The following PMS1 variants were observed in gnomAD, a reference collection of about 807,000 sequenced individuals.
PMS1 encodes the protein PMS1 protein homolog 1.
In PMS1, 79 loss-of-function variants were observed where a neutral mutation model predicts 93.1. The observed-to-expected ratio is 0.85, with a 90% CI of 0.71 to 1.02. The LOEUF (loss-of-function observed/expected upper bound fraction) is 1.02. Ranked by LOEUF, PMS1 falls within the 50% of genes least tolerant of loss-of-function variation. PMS1 has a pLI of 0.00. For synonymous variants in PMS1, 335 were observed against 363.4 expected (o/e 0.92, Z 0.89); for missense variants, 1,064 against 1,085.3 (o/e 0.98, Z 0.28).
At chr2:189,789,301 G>T (rs1049124692) in intron 1 of PMS1, among the ~76,000 whole-genome samples, 6 of 152,122 alleles carry the variant, frequency 3.9e-5, no homozygotes, top group Non-Finnish European at 5.9e-5. Flanking sequence ...TACAGATGAT[G>T]AATTGATTTA....
At chr2:189,864,683 AAAAAATATATATATATATATATATATAT>A (rs2056447838) in intron 10 of PMS1, among the ~76,000 whole-genome samples, 1 of 38,608 alleles carries the variant, frequency 2.6e-5, no homozygotes, top group African/African-American at 1.3e-4. Context: ...AAAAAAAAAA[AAAAAATATATATATATATATATATATAT>A]ATATATATAT....
At chr2:189,814,133 C>T (rs2106312970) in intron 4 of PMS1, among the ~76,000 whole-genome samples, 1 of 152,218 alleles carries the variant, frequency 6.6e-6, no homozygotes, top group Non-Finnish European at 1.5e-5. Flanking sequence ...GACCTTTTTA[C>T]TTTCCTAAGC....
rs1057048375 is a variant in PMS1, at chr2:189,868,039, A to G, written c.2473+110A>G. The G allele has an allele frequency of 2.9e-5, 27 of 925,810 alleles. No homozygotes were observed. In the Admixed American group the frequency reaches 3.6e-4, roughly 12 times the overall value. The allele number at this position is 925,810 out of a possible 1,614,324, so 57.3% of individuals were successfully genotyped here. A position where few individuals can be genotyped will look rare whatever the true frequency, so the allele number is the denominator to read the frequency against. ...TATGGTGGTATATTTTTGTCTCACT[A>G]TAAGTACAGTGTCAGCTATGTTAAA... On this transcript the variant is annotated intron_variant, in intron 11 of 12. Transcript: ENST00000441310.
At chr2:189,861,747 CAA>C (rs60765447) in intron 9 of PMS1, among the ~76,000 whole-genome samples, 40 of 115,014 alleles carry the variant, frequency 3.5e-4, no homozygotes, top group African/African-American at 4.2e-4. Context: ...GACTCTGTCT[CAA>C]AAAAAAAAAA....
intron 6 of PMS1, among the ~76,000 whole-genome samples, chr2:189,851,756 C>A (rs948247683): frequency 3.9e-5 from 6 of 152,134 alleles, no homozygotes; most frequent in African/African-American, 1.4e-4. Context: ...AATAACACAT[C>A]TAGTTCTAGT....
chr2:189,821,401 G>A (rs1341484213), intron 5 of PMS1, among the ~76,000 whole-genome samples: 1 of 151,262 alleles, frequency 6.6e-6, no homozygotes, highest in Non-Finnish European at 1.5e-5. Flanking sequence ...AGGTTGCCGT[G>A]AGCCGAGATT....
intron 5 of PMS1, among the ~76,000 whole-genome samples, chr2:189,828,929 C>G (rs1288755633): frequency 6.7e-6 from 1 of 149,598 alleles, no homozygotes; most frequent in Non-Finnish European, 1.5e-5. Flanking sequence ...ATCCTTAGAT[C>G]TTTACATCTG....
intron 12 of PMS1, among the ~76,000 whole-genome samples, chr2:189,873,996 A>G (rs554789167): frequency 3.3e-5 from 5 of 152,228 alleles, no homozygotes; most frequent in Non-Finnish European, 7.3e-5. Context: ...GAGGTATTAT[A>G]GATTGGCCAG....
intron 9 of PMS1, among the ~76,000 whole-genome samples, chr2:189,859,864 G>T (rs5743156): frequency 6.6e-6 from 1 of 151,302 alleles, no homozygotes; most frequent in African/African-American, 2.4e-5. Context: ...TTTCTGTTTT[G>T]TGATTATTGT....
At chr2:189,876,104 C>T (rs183164015) in intron 12 of PMS1, among the ~76,000 whole-genome samples, 15 of 151,366 alleles carry the variant, frequency 9.9e-5, no homozygotes, top group East Asian at 5.8e-4. Context: ...AATATTTTTA[C>T]GTAAACTTTA....
Position 189,867,916 on chromosome 2 carries a change from A to G in PMS1, c.2460A>G (p.Ile820Met), listed in dbSNP as rs756353601. 3.7e-6 allele frequency: 6 copies of G among 1,610,340 alleles called. No homozygotes were observed. The highest frequency in any genetic ancestry group is 5.1e-6 in the Non-Finnish European group (6 of 1,176,572). Residue 820 changes from isoleucine to methionine, a missense_variant, in exon 11 of 13, where the codon ATA (isoleucine) becomes ATG (methionine). Ile to Met is a conservative substitution (Grantham distance 10, BLOSUM62 1). Transcript: ENST00000441310. Reference protein sequence around the residue: ...DPRLTANGFKIKLIPGVSITE... With the variant: ...DPRLTANGFKMKLIPGVSITE... Reference sequence around the variant, plus strand: ...GTCTTACAGCGAATGGTTTCAAGATAAAATTGATACCAGGTATGATAGTGT... The same window carrying G: ...GTCTTACAGCGAATGGTTTCAAGATGAAATTGATACCAGGTATGATAGTGT...
At chr2:189,846,481 T>G (rs563002295) in intron 6 of PMS1, among the ~76,000 whole-genome samples, 18 of 147,700 alleles carry the variant, frequency 1.2e-4, no homozygotes, top group Admixed American at 6.1e-4. Context: ...GCCACTGCAC[T>G]CCAGCCTGGG....
At chr2:189,795,640 C>T in intron 2 of PMS1, 129 bp from the exon 3 acceptor site, 1 of 763,820 alleles carries the variant, frequency 1.3e-6, no homozygotes, top group Non-Finnish European at 2.2e-6. Context: ...AATTTAAACT[C>T]TTATATCCAT....
intron 5 of PMS1, among the ~76,000 whole-genome samples, chr2:189,828,280 A>G (rs2052624588): frequency 6.6e-6 from 1 of 152,172 alleles, no homozygotes; most frequent in South Asian, 2.1e-4. Flanking sequence ...AGCAAATAAC[A>G]GTGTATTGTG....
chr2:189,818,329 T>C, intron 5 of PMS1, 149 bp downstream of exon 5: 1 of 608,922 alleles, frequency 1.6e-6, no homozygotes, highest in Non-Finnish European at 2.9e-6. Flanking sequence ...CATGTGATGT[T>C]ATTAGGGCAT....
At chr2:189,864,675 AAAAAAAAAAAAAATATATATATATAT>A (rs1575352082) in intron 10 of PMS1, among the ~76,000 whole-genome samples, 1 of 44,762 alleles carries the variant, frequency 2.2e-5, no homozygotes, top group East Asian at 5.3e-4. Context: ...AAAAAAAAAA[AAAAAAAAAAAAAATATATATATATAT>A]ATATATATAT....
intron 4 of PMS1, among the ~76,000 whole-genome samples, chr2:189,816,648 A>G (rs938018088): frequency 6.6e-6 from 1 of 152,140 alleles, no homozygotes; most frequent in Admixed American, 6.5e-5. Context: ...TGGAACTTTA[A>G]AACTACCAGT....
chr2:189,848,627 GT>G (rs1313843285), intron 6 of PMS1, among the ~76,000 whole-genome samples: 1 of 151,166 alleles, frequency 6.6e-6, no homozygotes, highest in African/African-American at 2.4e-5. Flanking sequence ...CCTCTATGTG[GT>G]TTTTTTTTCA....
chr2:189,818,088 A>C lies in PMS1; in HGVS notation c.490A>C (p.Lys164Gln). The C allele has an allele frequency of 6.2e-7, 1 of 1,606,592 alleles. No homozygotes were observed. Among genetic ancestry groups the C allele is most frequent in the Non-Finnish European group, 8.5e-7 (1 of 1,173,690 alleles). Residue 164 changes from lysine to glutamine, a missense_variant, in exon 5 of 13, where the codon AAA becomes CAA. By Grantham distance (53) the Lys-to-Gln change is moderately conservative. Transcript: ENST00000441310. ...AAAGCAGTTTTACTCAACTGCAAAA[A>C]AATGTAAAGATGAAATAAAAAAGAT... ...VRKQFYSTAK[K>Q]CKDEIKKIQD...
Sources: gnomAD v4.1 joint callset for allele counts (sites outside exome capture counted in the v4.1 genomes callset) on GRCh38, gnomAD v4.1.1 for gene constraint, MANE v1.5 for transcripts, NCBI Gene and HGNC (gene_info 2026-07-23, HGNC 2026-07-21) for gene names.